The following GPR107 variants were observed in gnomAD, a reference collection of about 807,000 sequenced individuals.
GPR107 encodes the protein G protein-coupled receptor 107.
A neutral mutation model predicts 75.5 loss-of-function variants in GPR107; 31 were observed. The ratio of observed to expected loss-of-function variants is 0.41; its 90% CI spans 0.31 to 0.55. GPR107 has a LOEUF of 0.55. Among genes scored for constraint, GPR107 ranks in the 20% least tolerant of loss-of-function variants. GPR107 has a pLI of 0.26. For synonymous variants in GPR107, 267 were observed against 251.3 expected (o/e 1.06, Z -0.59); for missense variants, 572 against 665.7 (o/e 0.86, Z 1.55).
intron 1 of GPR107, among the ~76,000 whole-genome samples, chr9:130,059,316 T>C (rs377492386): frequency 1.3e-5 from 2 of 152,104 alleles, no homozygotes; most frequent in African/African-American, 4.8e-5. Context: ...GGTAAAACCC[T>C]GTCTCTACTA....
At chr9:130,097,343 CG>C (rs1449749391) in intron 9 of GPR107, among the ~76,000 whole-genome samples, 3 of 151,734 alleles carry the variant, frequency 2.0e-5, no homozygotes, top group Non-Finnish European at 4.4e-5. Context: ...TTAGTAGAGA[CG>C]GGTTTTCACT....
At chr9:130,100,854 C>T in intron 11 of GPR107, 152 bp downstream of exon 11, 1 of 666,294 alleles carries the variant, frequency 1.5e-6, no homozygotes. Flanking sequence ...TCATGGGTGG[C>T]TGTCCAGACT....
intron 5 of GPR107, among the ~76,000 whole-genome samples, chr9:130,080,748 C>T (rs1032128203): frequency 2.6e-5 from 4 of 151,686 alleles, no homozygotes; most frequent in Admixed American, 1.3e-4. Context: ...GCCTCGGCCT[C>T]CCAAAGTGCT....
chr9:130,056,594 T>TA (rs1244514033), intron 1 of GPR107, among the ~76,000 whole-genome samples: 1 of 152,082 alleles, frequency 6.6e-6, no homozygotes, highest in South Asian at 2.1e-4. Context: ...TGATAAGCTT[T>TA]AAAAAATTGC....
At position 130,137,488 on chromosome 9, in the gene GPR107, T is replaced by A. The variant is rs1437331672; in HGVS notation, c.*2367T>A. The A allele has an allele frequency of 6.6e-6, 1 of 152,352 alleles. No homozygotes were observed. The highest frequency in any genetic ancestry group is 1.5e-5 in the Non-Finnish European group (1 of 68,056). The allele number at this position is 152,352 out of a possible 1,614,324, so 9.4% of individuals were successfully genotyped here. A position where few individuals can be genotyped will look rare whatever the true frequency, so the allele number is the denominator to read the frequency against. On this transcript the variant is annotated 3_prime_UTR_variant, in exon 18 of 18. Coordinates refer to ENST00000347136, the MANE Select transcript of GPR107 (RefSeq NM_020960.5). ...GGCCACAGCCTTCCTAACAAGCAGG[T>A]CATCTGGCCATGTCTGTATTGTAAC...
rs1830354341 is a variant in GPR107 at position 130,076,583 on chromosome 9, T to C, written c.306+121T>C. ...TTTTTGGAGTACGGTGGCACAATCATAGCTCACTGCAACCTTGACCTCCCA... is the reference window on the plus strand; with the variant it reads ...TTTTTGGAGTACGGTGGCACAATCACAGCTCACTGCAACCTTGACCTCCCA... On this transcript the variant is annotated intron_variant, in intron 3 of 17. Coordinates refer to ENST00000347136, the MANE Select transcript of GPR107 (RefSeq NM_020960.5). 5.7e-6 allele frequency: 4 copies of C among 706,524 alleles called. No homozygotes were observed. The East Asian group carries it at 1.0e-4, about 18-fold the overall frequency. 43.8% of individuals were successfully genotyped at this position (706,524 alleles called of 1,614,324 possible). A position where few individuals can be genotyped will look rare whatever the true frequency, so the allele number is the denominator to read the frequency against.
intron 4 of GPR107, among the ~76,000 whole-genome samples, chr9:130,077,895 G>A (rs1830395292): frequency 1.3e-5 from 2 of 152,226 alleles, no homozygotes; most frequent in African/African-American, 4.8e-5. Context: ...GCCGGGCATG[G>A]TGGCTCATGC....
chr9:130,119,766 T>C (rs1314191773), intron 14 of GPR107, among the ~76,000 whole-genome samples: 2 of 152,210 alleles, frequency 1.3e-5, no homozygotes, highest in Non-Finnish European at 2.9e-5. Context: ...GAATGTCTTA[T>C]GCGTGACTGG....
chr9:130,062,632 TCCTGCCTG>T (rs536746664), intron 1 of GPR107, among the ~76,000 whole-genome samples: 11,013 of 136,730 alleles, frequency 0.081, 629 homozygotes, highest in South Asian at 0.14. Context: ...CTTCCTGCCT[TCCTGCCTG>T]CCTGCCTGCC....
intron 7 of GPR107, among the ~76,000 whole-genome samples, chr9:130,087,181 G>A (rs1325817886): frequency 2.0e-5 from 3 of 151,876 alleles, no homozygotes; most frequent in Non-Finnish European, 2.9e-5. Flanking sequence ...GAGACTACAG[G>A]CATAGACCAC....
chr9:130,134,880 GGAAC>G, intron 17 of GPR107, 141 bp from the exon 18 acceptor site: 1 of 657,260 alleles, frequency 1.5e-6, no homozygotes, highest in Non-Finnish European at 2.8e-6. Context: ...CAGCTAGTAA[GGAAC>G]GAACCAGGAA....
intron 17 of GPR107, among the ~76,000 whole-genome samples, chr9:130,134,343 C>T (rs529778685): frequency 3.9e-5 from 6 of 152,328 alleles, no homozygotes; most frequent in Non-Finnish European, 5.9e-5. Context: ...GCGAGACCAG[C>T]GATCTTCCAT....
chr9:130,061,548 G>T (rs1398401323), intron 1 of GPR107, among the ~76,000 whole-genome samples: 2 of 152,166 alleles, frequency 1.3e-5, no homozygotes, highest in African/African-American at 4.8e-5. Context: ...GGTAGGATGT[G>T]TGGATTTTAT....
chr9:130,083,665 T>C, intron 6 of GPR107, 63 bp downstream of exon 6: 1 of 913,056 alleles, frequency 1.1e-6, no homozygotes, highest in Non-Finnish European at 1.6e-6. Flanking sequence ...GTGTGTGTTA[T>C]ATGCATGTGT....
rs545843537 is a variant in GPR107, at chr9:130,054,138, C to T, written c.141+65C>T. The T allele has an allele frequency of 1.3e-5, 19 of 1,445,368 alleles. No homozygotes were observed. In the South Asian group the frequency reaches 2.2e-4, roughly 17 times the overall value. The allele number at this position is 1,445,368 out of a possible 1,614,324, so 89.5% of individuals were successfully genotyped here. ...GGCCACTCCCCGGGTTTTAGGGCAA[C>T]TTTGGCCCATTGGGGACCTCTGAGC... On this transcript the variant is annotated intron_variant, in intron 1 of 17. Coordinates refer to ENST00000347136, the MANE Select transcript of GPR107 (RefSeq NM_020960.5).
chr9:130,127,586 G>C lies in GPR107; in HGVS notation c.1440+20G>C. 7.7e-7 allele frequency: 1 copy of C among 1,297,620 alleles called. No homozygotes were observed. Among genetic ancestry groups the C allele is most frequent in the Non-Finnish European group, 1.1e-6 (1 of 891,878 alleles). The allele number at this position is 1,297,620 out of a possible 1,614,324, so 80.4% of individuals were successfully genotyped here. On this transcript the variant is annotated intron_variant, in intron 16 of 17. Transcript: ENST00000347136. ...TACCAGGTACGCTGCTCACAGGGCA[G>C]AATGCCAGAGAATTTATGCCTGAGG...
chr9:130,067,664 A>G (rs1830099523), intron 1 of GPR107, among the ~76,000 whole-genome samples: 1 of 147,862 alleles, frequency 6.8e-6, no homozygotes, highest in South Asian at 2.1e-4. Context: ...GCAATGAGCC[A>G]AGAATTATAA....
rs1284161323 is a variant in GPR107, at chr9:130,135,353, C to T, written c.*232C>T. On this transcript the variant is annotated 3_prime_UTR_variant, in exon 18 of 18. Transcript: ENST00000347136. Reference sequence around the variant, plus strand: ...CCTCTTTCAGGCGGGAATGGGAGGGCGGGCACAGGGAGGAGGAGAGGAAGA... The same window carrying T: ...CCTCTTTCAGGCGGGAATGGGAGGGTGGGCACAGGGAGGAGGAGAGGAAGA... 6 of 331,432 alleles carry T rather than the reference C, an allele frequency of 1.8e-5. No individual in the cohort carries two copies. The highest frequency in any genetic ancestry group is 1.2e-4 in the East Asian group (2 of 16,466). 20.5% of individuals were successfully genotyped at this position (331,432 alleles called of 1,614,324 possible). A position where few individuals can be genotyped will look rare whatever the true frequency, so the allele number is the denominator to read the frequency against.
intron 1 of GPR107, among the ~76,000 whole-genome samples, chr9:130,064,185 CTTTTTTTTTTT>C (rs1045833413): frequency 1.2e-5 from 1 of 82,580 alleles, no homozygotes; most frequent in African/African-American, 4.8e-5. Flanking sequence ...AATAGCTTTT[CTTTTTTTTTTT>C]TTTTTTTTTT....
Sources: allele counts gnomAD v4.1 joint callset (sites outside exome capture counted in the v4.1 genomes callset), GRCh38; gene constraint gnomAD v4.1.1; transcripts MANE v1.5; gene names NCBI Gene and HGNC (gene_info 2026-07-23, HGNC 2026-07-21).